The following ITPR1 variants were observed in gnomAD, a reference collection of about 807,000 sequenced individuals.
The protein encoded by ITPR1 is inositol 1,4,5-trisphosphate receptor type 1, also known as inositol 1,4,5-trisphosphate-gated calcium channel ITPR1.
In ITPR1, 96 loss-of-function variants were observed where a neutral mutation model predicts 318.4. The observed-to-expected ratio is 0.30, with a 90% confidence interval of 0.26 to 0.36. The LOEUF (loss-of-function observed/expected upper bound fraction) is 0.36. ITPR1 is among the 10% of genes least tolerant of loss of function. ITPR1 has a pLI of 1.00. For missense variants in ITPR1, 2,440 were observed against 3,460.2 expected (o/e 0.71, Z 7.40); for synonymous variants, 1,312 against 1,289.9 (o/e 1.02, Z -0.37).
Position 4,556,152 on chromosome 3 carries a change from T to C in ITPR1, c.163+35058T>C, listed in dbSNP as rs142346753. Among the ~76,000 whole-genome samples the C allele has an allele frequency of 8.6e-4, 131 of 152,322 alleles. 3 individuals are homozygous for C. In the East Asian group the frequency reaches 0.019, roughly 22 times the overall value. ...ATTGTTAGGTTTGCAACAACATTGA[T>C]AGGAAGGTACAGAGGTTTCTCATAT... On this transcript the variant is annotated intron_variant, in intron 4 of 61. Coordinates refer to ENST00000649015, the MANE Select transcript of ITPR1 (RefSeq NM_001378452.1).
intron 37 of ITPR1, among the ~76,000 whole-genome samples, chr3:4,708,194 A>G (rs2094798482): frequency 1.3e-5 from 2 of 152,224 alleles, no homozygotes; most frequent in South Asian, 4.1e-4. Flanking sequence ...AGACCGTTAT[A>G]CCGAAAAGAA....
At chr3:4,681,624 A>AGTATGTGTGTGGTGTGT (rs373511110) in intron 26 of ITPR1, among the ~76,000 whole-genome samples, 1 of 145,788 alleles carries the variant, frequency 6.9e-6, no homozygotes, top group Non-Finnish European at 1.5e-5. Flanking sequence ...AGAGAGAGAA[A>AGTATGTGTGTGGTGTGT]GTGTGTGTGT....
At chr3:4,767,108 A>G (rs1384073198) in intron 45 of ITPR1, among the ~76,000 whole-genome samples, 9 of 152,252 alleles carry the variant, frequency 5.9e-5, no homozygotes, top group Non-Finnish European at 1.3e-4. Context: ...TTTATCCAGT[A>G]TCTCACCAGA....
intron 4 of ITPR1, among the ~76,000 whole-genome samples, chr3:4,576,498 G>A (rs1032977847): frequency 5.9e-5 from 9 of 152,192 alleles, no homozygotes; most frequent in Non-Finnish European, 1.3e-4. Flanking sequence ...GGCAGGATTG[G>A]TGGAAGGCAA....
intron 44 of ITPR1, among the ~76,000 whole-genome samples, chr3:4,737,607 G>C (rs1275371130): frequency 1.3e-5 from 2 of 152,202 alleles, no homozygotes; most frequent in African/African-American, 4.8e-5. Flanking sequence ...AGCCCTCCAA[G>C]GGGCTTTGGA....
At chr3:4,705,445 C>G (rs186281185) in intron 36 of ITPR1, among the ~76,000 whole-genome samples, 2 of 152,250 alleles carry the variant, frequency 1.3e-5, no homozygotes, top group African/African-American at 2.4e-5. Context: ...CACTGCTGTC[C>G]CTTGTCATGC....
At chr3:4,670,625 C>T in intron 19 of ITPR1, 104 bp from the exon 20 acceptor site, 3 of 861,460 alleles carry the variant, frequency 3.5e-6, no homozygotes, top group Admixed American at 4.1e-5. Context: ...GGGGGAAATA[C>T]AAAACAAAAA....
intron 4 of ITPR1, among the ~76,000 whole-genome samples, chr3:4,546,905 T>C (rs201010005): frequency 8.0e-5 from 2 of 25,022 alleles, no homozygotes; most frequent in South Asian, 2.2e-3. Flanking sequence ...CACTGAAGGC[T>C]TAACTTTGAG....
chr3:4,695,068 T>C (rs2125251946), intron 33 of ITPR1, among the ~76,000 whole-genome samples: 1 of 152,348 alleles, frequency 6.6e-6, no homozygotes, highest in Non-Finnish European at 1.5e-5. Context: ...AGATGCCAGA[T>C]GTTTTTTTAC....
At chr3:4,595,830 T>C (rs1040898001) in intron 4 of ITPR1, among the ~76,000 whole-genome samples, 40 of 152,124 alleles carry the variant, frequency 2.6e-4, no homozygotes, top group African/African-American at 8.4e-4. Context: ...TTTGAGAGCA[T>C]TGTGGTAGCA....
chr3:4,559,003 A>G (rs1197137015), intron 4 of ITPR1, among the ~76,000 whole-genome samples: 3 of 152,100 alleles, frequency 2.0e-5, no homozygotes, highest in Non-Finnish European at 4.4e-5. Flanking sequence ...GTTTGATTGA[A>G]AAAATACTTT....
intron 23 of ITPR1, among the ~76,000 whole-genome samples, chr3:4,676,005 A>G (rs2094177318): frequency 6.6e-6 from 1 of 152,070 alleles, no homozygotes; most frequent in African/African-American, 2.4e-5. Flanking sequence ...TGTTAACTTT[A>G]TGTACCTAGT....
chr3:4,650,645 G>GTGTGTGTGCA lies in ITPR1; in HGVS notation c.856-1478_856-1477insTGTGTGTGCA, dbSNP rs1491220486. Among the ~76,000 whole-genome samples the GTGTGTGTGCA allele has an allele frequency of 4.9e-3, 256 of 51,808 alleles. 1 individual carries two copies. The highest frequency in any genetic ancestry group is 8.0e-3 in the Non-Finnish European group (176 of 22,038). The allele number at this position is 51,808 out of a possible 152,430, so 34.0% of individuals were successfully genotyped here. Reference sequence around the variant, plus strand: ...TGTGTGTGTGTGTGTGTGTGTGTGTGCGCGCGTCTGTCTGTGTCTGTGTGT... The same window carrying GTGTGTGTGCA: ...TGTGTGTGTGTGTGTGTGTGTGTGTGTGTGTGTGCACGCGCGTCTGTCTGTGTCTGTGTGT... On this transcript the variant is annotated intron_variant, in intron 10 of 61. Transcript: ENST00000649015.
chr3:4,622,047 A>G (rs986064682), intron 4 of ITPR1, among the ~76,000 whole-genome samples: 4 of 151,142 alleles, frequency 2.6e-5, no homozygotes, highest in Admixed American at 2.6e-4. Flanking sequence ...GTGGTAACAG[A>G]CTTGTGCAAC....
chr3:4,698,248 C>T (rs1034895282), intron 34 of ITPR1, among the ~76,000 whole-genome samples: 11 of 152,064 alleles, frequency 7.2e-5, no homozygotes, highest in Admixed American at 3.3e-4. Context: ...ACTGTAGAAT[C>T]CTAGAATGTG....
rs1292587332 is a variant in ITPR1 at position 4,697,326 on chromosome 3, G to GTGTA, written c.4407+57_4407+58insATGT. ...GTTGGAGAGTGAGAGGTGTGTGTGT[G>GTGTA]TGTGTGTGTGTGTGTGTGTGTGTGT... is the stretch of plus-strand genomic sequence containing the variant. On this transcript the variant is annotated intron_variant, in intron 34 of 61. Transcript: ENST00000649015. 2.3e-6 allele frequency: 3 copies of GTGTA among 1,326,120 alleles called. No homozygotes were observed. The East Asian group carries it at 8.0e-5, about 35-fold the overall frequency. 82.1% of individuals were successfully genotyped at this position (1,326,120 alleles called of 1,614,324 possible). A position where few individuals can be genotyped will look rare whatever the true frequency, so the allele number is the denominator to read the frequency against.
chr3:4,560,424 T>C (rs2086559729), intron 4 of ITPR1, among the ~76,000 whole-genome samples: 1 of 152,226 alleles, frequency 6.6e-6, no homozygotes, highest in Non-Finnish European at 1.5e-5. Context: ...GAGTTTTTAA[T>C]GCTCAATGTT....
intron 5 of ITPR1, among the ~76,000 whole-genome samples, chr3:4,629,265 G>T (rs191936159): frequency 4.6e-5 from 7 of 151,886 alleles, no homozygotes; most frequent in African/African-American, 1.4e-4. Flanking sequence ...CATGACCTTT[G>T]CACCCTCAGT....
intron 4 of ITPR1, 59 bp downstream of exon 4, chr3:4,521,153 T>C: frequency 8.6e-7 from 1 of 1,157,370 alleles, no homozygotes; most frequent in Non-Finnish European, 1.3e-6. Context: ...TCTTGAAGTG[T>C]GTTGTTGGTG....
Sources: allele counts gnomAD v4.1 joint callset (sites outside exome capture counted in the v4.1 genomes callset), GRCh38; gene constraint gnomAD v4.1.1; transcripts MANE v1.5; gene names NCBI Gene and HGNC (gene_info 2026-07-23, HGNC 2026-07-21).